Variants in GFRA3 observed in about 807,000 individuals in gnomAD.
GFRA3 encodes the protein GDNF family receptor alpha 3, also known as GDNF family receptor alpha-3.
A neutral mutation model predicts 40.0 loss-of-function variants in GFRA3; 24 were observed. That is an observed-to-expected ratio of 0.60 (90% CI 0.43 to 0.84). The LOEUF (loss-of-function observed/expected upper bound fraction) is 0.84, where lower values mean the gene tolerates loss of function less well. Among genes scored for constraint, GFRA3 ranks in the 40% least tolerant of loss-of-function variants. The pLI, the probability that GFRA3 is intolerant of heterozygous loss-of-function variation, is 0.00. For synonymous variants in GFRA3, 203 were observed against 213.5 expected (o/e 0.95, Z 0.43); for missense variants, 405 against 530.6 (o/e 0.76, Z 2.33).
chr5:138,268,657 G>A (rs532251928), intron 1 of GFRA3, among the ~76,000 whole-genome samples: 4 of 152,236 alleles, frequency 2.6e-5, no homozygotes, highest in Admixed American at 6.5e-5. Context: ...TTGGGAGGCC[G>A]AGGTGGGCAG....
At chr5:138,271,976 G>GT (rs1392574699) in intron 1 of GFRA3, among the ~76,000 whole-genome samples, 4 of 118,864 alleles carry the variant, frequency 3.4e-5, no homozygotes, top group African/African-American at 6.7e-5. Flanking sequence ...TGTTTGGTTG[G>GT]TTTTTTTTGC....
intron 2 of GFRA3, among the ~76,000 whole-genome samples, chr5:138,262,913 T>C (rs2126615983): frequency 6.6e-6 from 1 of 152,278 alleles, no homozygotes; most frequent in East Asian, 1.9e-4. Context: ...GAAACTATCA[T>C]GAGATCCTAG....
chr5:138,253,088 G>C (rs371975268), intron 7 of GFRA3, 31 bp from the exon 8 acceptor site: 3 of 1,291,532 alleles, frequency 2.3e-6, no homozygotes, highest in Non-Finnish European at 3.4e-6. Flanking sequence ...AGTTAGCTCA[G>C]GGGATTTTCT....
rs1243159348 is a variant in GFRA3 at position 138,260,391 on chromosome 5, G to C, written c.380-742C>G. 2.6e-5 allele frequency among the ~76,000 whole-genome samples: 4 copies of C among 152,346 alleles called. No homozygotes were observed. The East Asian group carries it at 7.7e-4, about 29-fold the overall frequency. Reference sequence around the variant, plus strand: ...AGCCTCCAGCAGATGTGTAACATGAGCAAGAAATACATTTTTGTTGTTGAA... The same window carrying C: ...AGCCTCCAGCAGATGTGTAACATGACCAAGAAATACATTTTTGTTGTTGAA... On this transcript the variant is annotated intron_variant, in intron 2 of 7. Coordinates refer to ENST00000274721, the MANE Select transcript of GFRA3 (RefSeq NM_001496.4).
intron 1 of GFRA3, among the ~76,000 whole-genome samples, chr5:138,266,357 A>G (rs2126618065): frequency 6.6e-6 from 1 of 152,314 alleles, no homozygotes; most frequent in South Asian, 2.1e-4. Flanking sequence ...AAAAAAAATT[A>G]TAACCATCCT....
intron 2 of GFRA3, among the ~76,000 whole-genome samples, 178 bp downstream of exon 2, chr5:138,264,083 T>G (rs954649089): frequency 6.6e-6 from 1 of 152,118 alleles, no homozygotes; most frequent in Non-Finnish European, 1.5e-5. Flanking sequence ...GAGAGGGCAG[T>G]GTTATGGGGC....
At chr5:138,265,470 A>C (rs1755770222) in intron 1 of GFRA3, among the ~76,000 whole-genome samples, 1 of 152,006 alleles carries the variant, frequency 6.6e-6, no homozygotes, top group South Asian at 2.1e-4. Flanking sequence ...CGCCCACCTT[A>C]GCCTCCCAAA....
chr5:138,264,436 G>A lies in GFRA3; in HGVS notation c.204C>T (p.Thr68=), dbSNP rs1177856057. The A allele has an allele frequency of 6.2e-7, 1 of 1,614,082 alleles. No homozygotes were observed. The highest frequency in any genetic ancestry group is 2.2e-5 in the East Asian group (1 of 44,876). The change falls in exon 2 of 8, where the codon ACC becomes ACT. Residue 68 remains threonine (T), a synonymous_variant. Transcript: ENST00000274721. The part of the protein sequence containing the change: ...SAAYHHLDSC[T]SSISTPLPSE... ...AGGGCAGTGGGGTGCTTATGCTAGA[G>A]GTGCAGGAATCCAGGTGGTGGTAGG... is the stretch of plus-strand genomic sequence containing the variant.
At chr5:138,266,137 T>C (rs368394307) in intron 1 of GFRA3, among the ~76,000 whole-genome samples, 1 of 152,260 alleles carries the variant, frequency 6.6e-6, no homozygotes, top group Non-Finnish European at 1.5e-5. Flanking sequence ...GAACATTTCA[T>C]GTACAAGTAT....
rs1755595388 is a variant in GFRA3 at position 138,254,233 on chromosome 5, G to T, written c.786-73C>A. The T allele has an allele frequency of 5.7e-6, 5 of 879,670 alleles. No individual in the cohort carries two copies. In the Admixed American group the frequency reaches 1.0e-4, roughly 18 times the overall value. The allele number at this position is 879,670 out of a possible 1,614,324, so 54.5% of individuals were successfully genotyped here. A position where few individuals can be genotyped will look rare whatever the true frequency, so the allele number is the denominator to read the frequency against. On this transcript the variant is annotated intron_variant, in intron 4 of 7. Transcript: ENST00000274721. ...TGATGTCTCACTCTCTCTTGCCCAG[G>T]CTGGAGTGCAGTAGCTCAATCTTGG...
In GFRA3 at chr5:138,264,518, A is replaced by G; in HGVS notation, c.122T>C (p.Met41Thr). 6.2e-7 allele frequency: 1 copy of G among 1,610,356 alleles called. No homozygotes were observed. The highest frequency in any genetic ancestry group is 8.5e-7 in the Non-Finnish European group (1 of 1,177,874). Residue 41 changes from methionine to threonine, a missense_variant, in exon 2 of 8, where the codon ATG (methionine) becomes ACG (threonine). Physicochemically the swap from Met to Thr is moderately conservative, Grantham distance 81. Coordinates refer to ENST00000274721, the MANE Select transcript of GFRA3 (RefSeq NM_001496.4). Reference sequence around the variant, plus strand: ...CCTCCTGGCCTGGAGACAGCTGTTCATGAGTCGGCTTTCTGTGGGAAGGGG... The same window carrying G: ...CCTCCTGGCCTGGAGACAGCTGTTCGTGAGTCGGCTTTCTGTGGGAAGGGG... ...GDPLPTESRL[M>T]NSCLQARRKC...
At chr5:138,271,913 T>TTTTTTGTGTGTGTGTGTGTG (rs59830655) in intron 1 of GFRA3, among the ~76,000 whole-genome samples, 1 of 54,332 alleles carries the variant, frequency 1.8e-5, no homozygotes. Flanking sequence ...TTTTTTTTTT[T>TTTTTTGTGTGTGTGTGTGTG]TGTGTGTGTG....
chr5:138,274,460 G>A lies in GFRA3; in HGVS notation c.-36C>T. ...AGGCGCCGGGCTCCGCGCTCCCCTC[G>A]CTCCTCCCCTGGAGCTCTGAGAGCG... On this transcript the variant is annotated 5_prime_UTR_variant, in exon 1 of 8. Transcript: ENST00000274721. 1 of 1,280,808 alleles carries A rather than the reference G, an allele frequency of 7.8e-7. No individual in the cohort carries two copies. Among genetic ancestry groups the A allele is most frequent in the South Asian group, 2.7e-5 (1 of 37,440 alleles). The allele number at this position is 1,280,808 out of a possible 1,614,324, so 79.3% of individuals were successfully genotyped here. A position where few individuals can be genotyped will look rare whatever the true frequency, so the allele number is the denominator to read the frequency against.
At chr5:138,262,903 G>C (rs1428451829) in intron 2 of GFRA3, among the ~76,000 whole-genome samples, 1 of 152,110 alleles carries the variant, frequency 6.6e-6, no homozygotes, top group Admixed American at 6.6e-5. Context: ...ACCCAATTTG[G>C]AAACTATCAT....
At position 138,271,608 on chromosome 5, in the gene GFRA3, T is replaced by C. The variant is rs190381331; in HGVS notation, c.91+2726A>G. Among the ~76,000 whole-genome samples the C allele has an allele frequency of 1.7e-3, 265 of 152,080 alleles. 10 individuals are homozygous for C. Among genetic ancestry groups the C allele is most frequent in the African/African-American group, 6.1e-3 (253 of 41,406 alleles). On this transcript the variant is annotated intron_variant, in intron 1 of 7. Coordinates refer to ENST00000274721, the MANE Select transcript of GFRA3 (RefSeq NM_001496.4). ...TTTCTTTTCTTTCTTTTAATCTCTG[T>C]CACCCAGACTGGAGTGCAGTGGTAC...
chr5:138,256,675 G>A (rs1018674418), intron 4 of GFRA3, among the ~76,000 whole-genome samples: 12 of 151,856 alleles, frequency 7.9e-5, no homozygotes, highest in Non-Finnish European at 1.2e-4. Flanking sequence ...TTGGCTGGGT[G>A]TGGTGGCTCA....
At chr5:138,272,146 C>T (rs1755885691) in intron 1 of GFRA3, among the ~76,000 whole-genome samples, 1 of 150,982 alleles carries the variant, frequency 6.6e-6, no homozygotes, top group African/African-American at 2.4e-5. Context: ...GTTGGGACTA[C>T]AGGCGCCCAC....
At chr5:138,258,116 C>T (rs1474699178) in intron 3 of GFRA3, among the ~76,000 whole-genome samples, 165 bp from the exon 4 acceptor site, 1 of 150,980 alleles carries the variant, frequency 6.6e-6, no homozygotes, top group Non-Finnish European at 1.5e-5. Context: ...GGCTTCCCCT[C>T]TCCCCACAAA....
At chr5:138,273,290 G>A (rs1027114739) in intron 1 of GFRA3, among the ~76,000 whole-genome samples, 1 of 152,172 alleles carries the variant, frequency 6.6e-6, no homozygotes, top group African/African-American at 2.4e-5. Context: ...TTTCAATGAG[G>A]CTACTTAACC....
Sources: allele counts gnomAD v4.1 joint callset (sites outside exome capture counted in the v4.1 genomes callset), GRCh38; gene constraint gnomAD v4.1.1; transcripts MANE v1.5; gene names NCBI Gene and HGNC (gene_info 2026-07-23, HGNC 2026-07-21).